COMMD7: variants seen among roughly 807,000 people sequenced by gnomAD.
COMMD7 encodes COMM domain-containing protein 7.
In COMMD7, 28 loss-of-function variants were observed where a neutral mutation model predicts 34.8. The ratio of observed to expected loss-of-function variants is 0.80; its 90% CI spans 0.60 to 1.10. The LOEUF is 1.10. COMMD7 is among the 50% of genes least tolerant of loss of function. The pLI is 0.00. For synonymous variants in COMMD7, 80 were observed against 86.4 expected (o/e 0.93, Z 0.41); for missense variants, 211 against 241.6 (o/e 0.87, Z 0.84).
chr20:32,727,832 T>C lies in COMMD7; in HGVS notation c.241+61A>G. 8.1e-6 allele frequency: 11 copies of C among 1,351,090 alleles called. 1 individual carries two copies. The South Asian group carries it at 9.4e-5, about 11-fold the overall frequency. 83.7% of individuals were successfully genotyped at this position (1,351,090 alleles called of 1,614,324 possible). A position where few individuals can be genotyped will look rare whatever the true frequency, so the allele number is the denominator to read the frequency against. On this transcript the variant is annotated intron_variant, in intron 3 of 8. Coordinates refer to ENST00000278980, the MANE Select transcript of COMMD7 (RefSeq NM_053041.3). ...CACGGAGCATGCTTCAATGACTCCATGGACTAAAGGAATGTTCAAGTTAAT... is the reference window on the plus strand; with the variant it reads ...CACGGAGCATGCTTCAATGACTCCACGGACTAAAGGAATGTTCAAGTTAAT...
intron 3 of COMMD7, among the ~76,000 whole-genome samples, chr20:32,715,731 C>T (rs925187187): frequency 4.6e-5 from 7 of 152,120 alleles, no homozygotes; most frequent in Non-Finnish European, 1.0e-4. Flanking sequence ...TACTGGAGCT[C>T]AGGTAGACAA....
chr20:32,718,912 C>T (rs567466712), intron 3 of COMMD7, among the ~76,000 whole-genome samples: 45 of 152,210 alleles, frequency 3.0e-4, no homozygotes, highest in African/African-American at 1.0e-3. Flanking sequence ...TCCAGGGTTC[C>T]AAGGCTGGGG....
chr20:32,706,085 C>A (rs554959079), intron 5 of COMMD7, among the ~76,000 whole-genome samples: 2 of 151,354 alleles, frequency 1.3e-5, no homozygotes, highest in African/African-American at 2.4e-5. Flanking sequence ...GTAATCCCAG[C>A]TACTTGGAAG....
At chr20:32,726,462 G>A (rs1337560548) in intron 3 of COMMD7, among the ~76,000 whole-genome samples, 1 of 152,168 alleles carries the variant, frequency 6.6e-6, no homozygotes, top group Non-Finnish European at 1.5e-5. Context: ...AACACTTTGG[G>A]AGACTGAGGT....
intron 1 of COMMD7, among the ~76,000 whole-genome samples, chr20:32,738,983 A>G (rs1465329546): frequency 3.3e-5 from 5 of 152,158 alleles, no homozygotes; most frequent in Admixed American, 3.3e-4. Flanking sequence ...AAACAGGTCA[A>G]TTTATTTCTC....
intron 3 of COMMD7, among the ~76,000 whole-genome samples, chr20:32,718,462 G>T (rs973934825): frequency 6.6e-6 from 1 of 151,738 alleles, no homozygotes; most frequent in Non-Finnish European, 1.5e-5. Flanking sequence ...ACTTTGAGAG[G>T]CCAAGGCGGG....
At chr20:32,733,576 C>T (rs1025525203) in intron 1 of COMMD7, among the ~76,000 whole-genome samples, 3 of 151,912 alleles carry the variant, frequency 2.0e-5, no homozygotes, top group East Asian at 1.9e-4. Flanking sequence ...AAAAATTAGC[C>T]GAGTGTGGTG....
intron 5 of COMMD7, among the ~76,000 whole-genome samples, chr20:32,705,522 C>T (rs1271681707): frequency 2.0e-5 from 3 of 151,844 alleles, no homozygotes; most frequent in Non-Finnish European, 4.4e-5. Flanking sequence ...CACAGGCGCC[C>T]ACCACCATGC....
intron 1 of COMMD7, among the ~76,000 whole-genome samples, chr20:32,732,755 T>A (rs949678142): frequency 6.6e-5 from 10 of 151,072 alleles, no homozygotes; most frequent in African/African-American, 2.4e-4. Flanking sequence ...TGAAACCCTG[T>A]CTCTAAACCC....
intron 5 of COMMD7, among the ~76,000 whole-genome samples, chr20:32,705,470 T>C (rs1600962511): frequency 6.6e-6 from 1 of 151,422 alleles, no homozygotes; most frequent in Non-Finnish European, 1.5e-5. Flanking sequence ...ACCTCCTGGG[T>C]TCACGCCACT....
chr20:32,713,525 C>T (rs1245126885), intron 3 of COMMD7, among the ~76,000 whole-genome samples: 3 of 152,214 alleles, frequency 2.0e-5, no homozygotes, highest in Non-Finnish European at 1.5e-5. Flanking sequence ...AAGGAATGGA[C>T]ACAGGCTTGG....
chr20:32,724,188 A>G (rs1888382867), intron 3 of COMMD7, among the ~76,000 whole-genome samples: 2 of 18,440 alleles, frequency 1.1e-4, no homozygotes, highest in African/African-American at 4.1e-4. Context: ...CCGGGAGGTG[A>G]GGGGCGCCTC....
chr20:32,709,291 C>T (rs867789656), intron 3 of COMMD7, among the ~76,000 whole-genome samples: 234 of 151,670 alleles, frequency 1.5e-3, no homozygotes, highest in African/African-American at 5.4e-3. Context: ...AAAAATTAGC[C>T]GGGTGTGGTG....
At chr20:32,711,072 ACTCTAT>A (rs1284737522) in intron 3 of COMMD7, among the ~76,000 whole-genome samples, 4 of 151,896 alleles carry the variant, frequency 2.6e-5, no homozygotes, top group Non-Finnish European at 5.9e-5. Flanking sequence ...ACAGAGCAAG[ACTCTAT>A]CTCTAAAAAT....
chr20:32,732,749 A>T (rs1455072273), intron 1 of COMMD7, among the ~76,000 whole-genome samples: 2 of 151,668 alleles, frequency 1.3e-5, no homozygotes, highest in Non-Finnish European at 2.9e-5. Flanking sequence ...ACACGGTGAA[A>T]CCCTGTCTCT....
chr20:32,728,903 G>A (rs570180150), intron 1 of COMMD7, among the ~76,000 whole-genome samples: 15 of 152,118 alleles, frequency 9.9e-5, no homozygotes, highest in South Asian at 4.2e-4. Flanking sequence ...TAAACATCTC[G>A]TTACTTGTGT....
At chr20:32,707,314 TCTCA>T (rs1984158950) in intron 3 of COMMD7, among the ~76,000 whole-genome samples, 1 of 123,074 alleles carries the variant, frequency 8.1e-6, no homozygotes, top group Non-Finnish European at 1.7e-5. Flanking sequence ...TATATACTTA[TCTCA>T]AAATATATAT....
At chr20:32,722,979 A>G (rs1985264595) in intron 3 of COMMD7, among the ~76,000 whole-genome samples, 1 of 151,074 alleles carries the variant, frequency 6.6e-6, no homozygotes, top group Non-Finnish European at 1.5e-5. Context: ...AGATCACGCC[A>G]CTGCACTCCA....
chr20:32,707,760 G>C (rs1327821420), intron 3 of COMMD7, among the ~76,000 whole-genome samples: 1 of 151,938 alleles, frequency 6.6e-6, no homozygotes, highest in South Asian at 2.1e-4. Context: ...ACGAATTCCT[G>C]GAGCAAGAGG....
Sources: allele counts gnomAD v4.1 joint callset (sites outside exome capture counted in the v4.1 genomes callset), GRCh38; gene constraint gnomAD v4.1.1; transcripts MANE v1.5; gene names NCBI Gene and HGNC (gene_info 2026-07-23, HGNC 2026-07-21).